Variants in CNTNAP5 observed in about 807,000 individuals in gnomAD.
The protein encoded by CNTNAP5 is contactin-associated protein-like 5.
A neutral mutation model predicts 150.2 loss-of-function variants in CNTNAP5; 72 were observed. That is an observed-to-expected ratio of 0.48 (90% CI 0.40 to 0.58). The LOEUF (loss-of-function observed/expected upper bound fraction) is 0.58. Among genes scored for constraint, CNTNAP5 ranks in the 20% least tolerant of loss-of-function variants. The pLI, the probability that CNTNAP5 is intolerant of heterozygous loss-of-function variation, is 0.00. For missense variants in CNTNAP5, 1,636 were observed against 1,626.2 expected (o/e 1.01, Z -0.10); for synonymous variants, 672 against 619.8 (o/e 1.08, Z -1.25).
intron 21 of CNTNAP5, among the ~76,000 whole-genome samples, chr2:124,871,288 A>G (rs894706292): frequency 1.3e-5 from 2 of 151,894 alleles, no homozygotes; most frequent in African/African-American, 2.4e-5. Flanking sequence ...TTACTTATTT[A>G]TTTATTTTCC....
intron 1 of CNTNAP5, among the ~76,000 whole-genome samples, chr2:124,133,671 G>C (rs1052926627): frequency 3.3e-5 from 5 of 152,036 alleles, no homozygotes; most frequent in African/African-American, 1.2e-4. Context: ...CACCAGTAGT[G>C]CTTTTTTTCC....
At chr2:124,877,899 G>T (rs564535497) in intron 21 of CNTNAP5, among the ~76,000 whole-genome samples, 2 of 151,782 alleles carry the variant, frequency 1.3e-5, no homozygotes, top group Admixed American at 6.6e-5. Context: ...ATCTAAACTC[G>T]TTCCTTATGC....
intron 3 of CNTNAP5, among the ~76,000 whole-genome samples, chr2:124,410,679 A>G (rs955943109): frequency 5.7e-4 from 86 of 151,670 alleles, no homozygotes; most frequent in African/African-American, 2.0e-3. Flanking sequence ...CTTTGAAACC[A>G]GCGAGAACAA....
chr2:124,125,877 C>T (rs1054200768), intron 1 of CNTNAP5, among the ~76,000 whole-genome samples: 9 of 152,228 alleles, frequency 5.9e-5, no homozygotes, highest in African/African-American at 1.9e-4. Context: ...AGAAAAAAGA[C>T]ACAACATACC....
At chr2:124,878,932 C>T (rs1260119657) in intron 21 of CNTNAP5, among the ~76,000 whole-genome samples, 1 of 152,026 alleles carries the variant, frequency 6.6e-6, no homozygotes, top group Non-Finnish European at 1.5e-5. Flanking sequence ...ATCTGCCCAT[C>T]TCGGCCTCCC....
intron 19 of CNTNAP5, among the ~76,000 whole-genome samples, chr2:124,799,428 C>G (rs770981518): frequency 2.0e-5 from 3 of 152,170 alleles, no homozygotes; most frequent in Non-Finnish European, 4.4e-5. Flanking sequence ...GAACATACAA[C>G]AGTATGATAT....
At chr2:124,139,766 A>G (rs2104614571) in intron 1 of CNTNAP5, among the ~76,000 whole-genome samples, 1 of 152,126 alleles carries the variant, frequency 6.6e-6, no homozygotes, top group East Asian at 1.9e-4. Context: ...TGATATTTTA[A>G]AATATATTTG....
At chr2:124,176,447 A>G (rs1685066773) in intron 1 of CNTNAP5, among the ~76,000 whole-genome samples, 1 of 152,202 alleles carries the variant, frequency 6.6e-6, no homozygotes, top group Non-Finnish European at 1.5e-5. Context: ...ATAGGGGCCA[A>G]GGGAAAATTT....
intron 19 of CNTNAP5, among the ~76,000 whole-genome samples, chr2:124,824,075 G>T (rs1682544215): frequency 6.6e-6 from 1 of 151,780 alleles, no homozygotes; most frequent in African/African-American, 2.4e-5. Flanking sequence ...ATACCACCAT[G>T]CCAGGCTAAT....
At chr2:124,532,789 G>C (rs1035960642) in intron 10 of CNTNAP5, among the ~76,000 whole-genome samples, 1 of 152,206 alleles carries the variant, frequency 6.6e-6, no homozygotes, top group Admixed American at 6.5e-5. Flanking sequence ...GCTAAGAGTT[G>C]AATGAGAGAG....
At chr2:124,446,033 C>T (rs909988703) in intron 5 of CNTNAP5, among the ~76,000 whole-genome samples, 1 of 152,006 alleles carries the variant, frequency 6.6e-6, no homozygotes, top group Non-Finnish European at 1.5e-5. Flanking sequence ...TCAAAGGGGT[C>T]TTCCAAACTC....
At chr2:124,309,930 A>C (rs148792217) in intron 3 of CNTNAP5, among the ~76,000 whole-genome samples, 1 of 152,186 alleles carries the variant, frequency 6.6e-6, no homozygotes, top group African/African-American at 2.4e-5. Context: ...TGCCTGTACT[A>C]GGCATCGGGA....
chr2:124,025,896 A>G (rs1277648482), intron 1 of CNTNAP5, among the ~76,000 whole-genome samples, 164 bp downstream of exon 1: 1 of 152,182 alleles, frequency 6.6e-6, no homozygotes, highest in African/African-American at 2.4e-5. Flanking sequence ...CCCAAAAGTT[A>G]GTAGAGCTCA....
chr2:124,126,555 T>A (rs1291147277), intron 1 of CNTNAP5, among the ~76,000 whole-genome samples: 1 of 152,148 alleles, frequency 6.6e-6, no homozygotes, highest in Non-Finnish European at 1.5e-5. Context: ...CTTAACTCAT[T>A]TTATGAGGCC....
chr2:124,263,614 T>A (rs2104604126), intron 3 of CNTNAP5, among the ~76,000 whole-genome samples: 1 of 152,296 alleles, frequency 6.6e-6, no homozygotes, highest in South Asian at 2.1e-4. Flanking sequence ...TTCACGCTGA[T>A]GGTAGTTTCT....
At position 124,436,875 on chromosome 2, in the gene CNTNAP5, A is replaced by G. The variant is rs1160965361; in HGVS notation, c.733+2188A>G. ...CTGTCTCTGCAGCTTTTCCCTTTCT[A>G]TCAGTTTACCACAGTTGAGTGTTTT... is the stretch of plus-strand genomic sequence containing the variant. On this transcript the variant is annotated intron_variant, in intron 5 of 23. Transcript: ENST00000682447. Among the ~76,000 whole-genome samples, 4 of 152,172 alleles carry G rather than the reference A, an allele frequency of 2.6e-5. No homozygotes were observed. In the East Asian group the frequency reaches 5.8e-4, roughly 22 times the overall value.
At chr2:124,607,242 AG>A (rs1677256891) in intron 11 of CNTNAP5, among the ~76,000 whole-genome samples, 1 of 152,134 alleles carries the variant, frequency 6.6e-6, no homozygotes, top group African/African-American at 2.4e-5. Flanking sequence ...TCTCTCATGC[AG>A]CTGCAAAAAA....
chr2:124,493,965 TACACACACACAC>T (rs58843895), intron 7 of CNTNAP5, among the ~76,000 whole-genome samples: 46 of 143,942 alleles, frequency 3.2e-4, no homozygotes, highest in Non-Finnish European at 5.7e-4. Context: ...AAACCATAAA[TACACACACACAC>T]ACACACACAC....
At chr2:124,830,333 G>A (rs1281933200) in intron 19 of CNTNAP5, among the ~76,000 whole-genome samples, 1 of 151,970 alleles carries the variant, frequency 6.6e-6, no homozygotes, top group East Asian at 1.9e-4. Flanking sequence ...AGTTTTCCTA[G>A]TTAATCAAAA....
Sources: allele counts gnomAD v4.1 joint callset (sites outside exome capture counted in the v4.1 genomes callset), GRCh38; gene constraint gnomAD v4.1.1; transcripts MANE v1.5; gene names NCBI Gene and HGNC (gene_info 2026-07-23, HGNC 2026-07-21).